The following LINGO2 variants were observed in gnomAD, a reference collection of about 807,000 sequenced individuals.
LINGO2 encodes leucine rich repeat and Ig domain containing 2.
In LINGO2, 14 loss-of-function variants were observed where a neutral mutation model predicts 30.6. The observed-to-expected ratio is 0.46, with a 90% CI of 0.30 to 0.72. The LOEUF is 0.72. Ranked by LOEUF, LINGO2 falls within the 30% of genes least tolerant of loss-of-function variation. The pLI is 0.07. For synonymous variants in LINGO2, 317 were observed against 288.5 expected (o/e 1.10, Z -1.00); for missense variants, 729 against 751.7 (o/e 0.97, Z 0.35).
chr9:28,299,864 G>A (rs2134202866), intron 3 of LINGO2, among the ~76,000 whole-genome samples: 1 of 152,158 alleles, frequency 6.6e-6, no homozygotes, highest in East Asian at 1.9e-4. Flanking sequence ...AATAGGGTCT[G>A]GAAAAGCATT....
chr9:28,446,475 T>C (rs1001122702), intron 2 of LINGO2, among the ~76,000 whole-genome samples: 1 of 152,256 alleles, frequency 6.6e-6, no homozygotes, highest in African/African-American at 2.4e-5. Flanking sequence ...GCAACTATTA[T>C]ACTTAATTAA....
intron 3 of LINGO2, among the ~76,000 whole-genome samples, chr9:28,355,888 T>G (rs1820190855): frequency 6.6e-6 from 1 of 152,168 alleles, no homozygotes; most frequent in African/African-American, 2.4e-5. Context: ...GCTACACAAA[T>G]GTGCAAGAAA....
the LINGO2 span, among the ~76,000 whole-genome samples, chr9:28,723,170 A>G: frequency 6.6e-6 from 1 of 152,146 alleles, no homozygotes; most frequent in African/African-American, 2.4e-5. Context: ...GCTTGTTAAC[A>G]TGAAGATTCT....
chr9:28,110,532 C>G (rs1304334055), intron 4 of LINGO2, among the ~76,000 whole-genome samples: 1 of 152,170 alleles, frequency 6.6e-6, no homozygotes, highest in Non-Finnish European at 1.5e-5. Context: ...CTACAAAGAA[C>G]CTAAACAAAT....
chr9:28,223,168 C>T (rs989064829), intron 4 of LINGO2, among the ~76,000 whole-genome samples: 2 of 152,154 alleles, frequency 1.3e-5, no homozygotes, highest in African/African-American at 4.8e-5. Context: ...GCTTCTGTAA[C>T]AAAATACCTG....
At chr9:28,498,079 C>T (rs140738534) in intron 1 of LINGO2, among the ~76,000 whole-genome samples, 3,771 of 152,190 alleles carry the variant, frequency 0.025, 133 homozygotes, top group East Asian at 0.099. Flanking sequence ...CTCGGGGGTG[C>T]CTCCCAGTTA....
chr9:27,938,651 C>T, the LINGO2 span: 2 of 152,080 alleles, frequency 1.3e-5, no homozygotes, highest in Non-Finnish European at 1.5e-5. Flanking sequence ...GACACTAAGG[C>T]CTATCTCTAA....
the LINGO2 span, among the ~76,000 whole-genome samples, chr9:28,836,482 T>A: frequency 2.0e-5 from 3 of 151,976 alleles, no homozygotes; most frequent in African/African-American, 7.3e-5. Flanking sequence ...ACCCAGCTAA[T>A]TTTTTGCATT....
At chr9:28,196,637 G>A (rs1169488935) in intron 4 of LINGO2, among the ~76,000 whole-genome samples, 1 of 151,816 alleles carries the variant, frequency 6.6e-6, no homozygotes, top group African/African-American at 2.4e-5. Context: ...TTTTTAGATA[G>A]GAAGATTCAA....
chr9:28,169,658 C>T (rs80008326), intron 4 of LINGO2, among the ~76,000 whole-genome samples: 7,200 of 152,036 alleles, frequency 0.047, 266 homozygotes, highest in Admixed American at 0.089. Context: ...TGAATGGACA[C>T]GAGAGGCAAA....
At chr9:28,507,610 A>T (rs1323604815) in intron 1 of LINGO2, among the ~76,000 whole-genome samples, 1 of 152,178 alleles carries the variant, frequency 6.6e-6, no homozygotes, top group Non-Finnish European at 1.5e-5. Flanking sequence ...GACTATATAT[A>T]AGGTATGACT....
intron 2 of LINGO2, among the ~76,000 whole-genome samples, chr9:28,464,984 G>A (rs764761524): frequency 1.9e-4 from 29 of 152,338 alleles, no homozygotes; most frequent in Admixed American, 4.6e-4. Flanking sequence ...GTGAGAAGGT[G>A]CAGGAGCAGG....
At chr9:28,431,116 A>T (rs1196346675) in intron 2 of LINGO2, among the ~76,000 whole-genome samples, 2 of 151,872 alleles carry the variant, frequency 1.3e-5, no homozygotes, top group Non-Finnish European at 2.9e-5. Context: ...CCTAATCTCA[A>T]AAGCCACATC....
chr9:28,802,309 C>A, the LINGO2 span, among the ~76,000 whole-genome samples: 78 of 151,994 alleles, frequency 5.1e-4, no homozygotes, highest in African/African-American at 1.8e-3. Flanking sequence ...CCAACAGTCA[C>A]AAATGTCATC....
At chr9:27,952,547 C>G (rs1019579258) in intron 5 of LINGO2, among the ~76,000 whole-genome samples, 3 of 151,636 alleles carry the variant, frequency 2.0e-5, no homozygotes, top group African/African-American at 7.3e-5. Flanking sequence ...ACATAAGATA[C>G]AAAACTATAA....
At chr9:28,090,563 CA>C (rs1826049928) in intron 4 of LINGO2, among the ~76,000 whole-genome samples, 1 of 152,044 alleles carries the variant, frequency 6.6e-6, no homozygotes, top group Admixed American at 6.6e-5. Flanking sequence ...TGGGACGTAT[CA>C]CAAAATAATA....
At chr9:29,121,442 T>C in the LINGO2 span, among the ~76,000 whole-genome samples, 1 of 152,118 alleles carries the variant, frequency 6.6e-6, no homozygotes, top group African/African-American at 2.4e-5. Flanking sequence ...GATAAACTTA[T>C]ACCAAAGCAA....
At chr9:28,292,799 C>T (rs1176876895) in intron 4 of LINGO2, among the ~76,000 whole-genome samples, 4 of 151,412 alleles carry the variant, frequency 2.6e-5, no homozygotes, top group African/African-American at 4.9e-5. Flanking sequence ...GAGATGGAAT[C>T]TTGCTTTGTC....
the LINGO2 span, among the ~76,000 whole-genome samples, chr9:28,770,194 T>C: frequency 1.3e-5 from 2 of 152,206 alleles, no homozygotes; most frequent in African/African-American, 4.8e-5. Flanking sequence ...GTCTGAAACA[T>C]TCCAGTCCCT....
Sources: allele counts gnomAD v4.1 joint callset (sites outside exome capture counted in the v4.1 genomes callset), GRCh38; gene constraint gnomAD v4.1.1; transcripts MANE v1.5; gene names NCBI Gene and HGNC (gene_info 2026-07-23, HGNC 2026-07-21).